CNBD1: variants seen among roughly 807,000 people sequenced by gnomAD.
The protein encoded by CNBD1 is cyclic nucleotide-binding domain-containing protein 1.
A neutral mutation model predicts 54.4 loss-of-function variants in CNBD1; 71 were observed. The ratio of observed to expected loss-of-function variants is 1.30; its 90% CI spans 1.08 to 1.59. The LOEUF is 1.59. Among genes scored for constraint, CNBD1 ranks in the 40% most tolerant of loss-of-function variants. CNBD1 has a pLI of 0.00. For missense variants in CNBD1, 659 were observed against 518.0 expected, an observed-to-expected ratio of 1.27 and a Z score of -2.64; for synonymous variants, 182 against 170.7, an observed-to-expected ratio of 1.07 and a Z score of -0.51.
intron 6 of CNBD1, among the ~76,000 whole-genome samples, chr8:87,270,951 T>C (rs1808350207): frequency 6.6e-6 from 1 of 151,834 alleles, no homozygotes; most frequent in Non-Finnish European, 1.5e-5. Context: ...ATTTTGTTAC[T>C]CATTATTTGT....
chr8:86,995,592 C>T (rs1808853072), intron 4 of CNBD1, among the ~76,000 whole-genome samples: 1 of 151,882 alleles, frequency 6.6e-6, no homozygotes, highest in Non-Finnish European at 1.5e-5. Flanking sequence ...GGATTATATA[C>T]CAGATAGAGC....
At chr8:87,406,710 C>T (rs530232811) in intron 2 of CNBD1, among the ~76,000 whole-genome samples, 2 of 151,982 alleles carry the variant, frequency 1.3e-5, no homozygotes, top group Non-Finnish European at 2.9e-5. Context: ...AAACTGCTGA[C>T]CTTGTGATCT....
intron 4 of CNBD1, among the ~76,000 whole-genome samples, chr8:87,156,534 G>A (rs1247610095): frequency 4.6e-5 from 7 of 151,710 alleles, no homozygotes; most frequent in Non-Finnish European, 8.8e-5. Context: ...GTGAGCCACC[G>A]CACCTGGCCT....
chr8:87,254,381 T>C (rs1417991797), intron 6 of CNBD1, among the ~76,000 whole-genome samples: 3 of 152,208 alleles, frequency 2.0e-5, no homozygotes, highest in Non-Finnish European at 4.4e-5. Context: ...TCAAAGCATT[T>C]CTGTTTAATA....
intron 2 of CNBD1, among the ~76,000 whole-genome samples, chr8:87,394,116 G>A (rs1263032615): frequency 6.6e-6 from 1 of 151,834 alleles, no homozygotes; most frequent in Non-Finnish European, 1.5e-5. Flanking sequence ...GCCATTTGTT[G>A]ATAGGGCGTA....
chr8:86,962,909 C>T (rs901684598), intron 4 of CNBD1, among the ~76,000 whole-genome samples: 1 of 152,112 alleles, frequency 6.6e-6, no homozygotes, highest in Non-Finnish European at 1.5e-5. Flanking sequence ...AGTGCTTTGA[C>T]CCTGGAGTCC....
intron 4 of CNBD1, among the ~76,000 whole-genome samples, chr8:87,059,496 A>C (rs1216205463): frequency 6.6e-6 from 1 of 152,186 alleles, no homozygotes; most frequent in Non-Finnish European, 1.5e-5. Context: ...AACTTGACTC[A>C]CAGTTCTGCA....
intron 6 of CNBD1, among the ~76,000 whole-genome samples, chr8:87,279,627 T>G (rs1808553844): frequency 6.6e-6 from 1 of 151,348 alleles, no homozygotes. Context: ...AATAAAGATA[T>G]TTCATAATGA....
At chr8:86,947,654 T>C (rs1021959891) in intron 4 of CNBD1, among the ~76,000 whole-genome samples, 5 of 152,134 alleles carry the variant, frequency 3.3e-5, no homozygotes, top group African/African-American at 9.7e-5. Flanking sequence ...AGTAGATGTA[T>C]ATATTTATGG....
At chr8:87,313,189 C>A (rs187977216) in intron 8 of CNBD1, among the ~76,000 whole-genome samples, 2 of 151,964 alleles carry the variant, frequency 1.3e-5, no homozygotes, top group Non-Finnish European at 2.9e-5. Context: ...ATGCTTTTTG[C>A]ACATACTACG....
intron 10 of CNBD1, among the ~76,000 whole-genome samples, chr8:87,368,623 C>G (rs958139089): frequency 6.6e-6 from 1 of 151,660 alleles, no homozygotes; most frequent in Non-Finnish European, 1.5e-5. Context: ...GGTGACAGAA[C>G]AAAAACCTAT....
intron 4 of CNBD1, among the ~76,000 whole-genome samples, chr8:87,014,220 C>G (rs1809304526): frequency 6.7e-6 from 1 of 150,106 alleles, no homozygotes; most frequent in Admixed American, 6.6e-5. Context: ...ACTAAATAAA[C>G]CAGCATTAAA....
rs144074765 is a variant in CNBD1, at chr8:87,291,593, G to A, written c.1042+4922G>A. ...ATGGGCCTTGGGTCAGATTTGGTCCGCGGTCTAAAGTTTTCCAACTCCTGT... is the reference window on the plus strand; with the variant it reads ...ATGGGCCTTGGGTCAGATTTGGTCCACGGTCTAAAGTTTTCCAACTCCTGT... On this transcript the variant is annotated intron_variant, in intron 8 of 10. Coordinates refer to ENST00000518476, the MANE Select transcript of CNBD1 (RefSeq NM_173538.3). Among the ~76,000 whole-genome samples the A allele has an allele frequency of 2.5e-3, 378 of 151,990 alleles. 2 individuals carry two copies. Among genetic ancestry groups the A allele is most frequent in the African/African-American group, 7.7e-3 (321 of 41,472 alleles).
intron 4 of CNBD1, among the ~76,000 whole-genome samples, chr8:86,958,473 G>A (rs766154985): frequency 6.6e-6 from 1 of 152,160 alleles, no homozygotes; most frequent in African/African-American, 2.4e-5. Context: ...AAGTCTCTTT[G>A]TTGGTCTCTA....
intron 2 of CNBD1, among the ~76,000 whole-genome samples, chr8:86,894,487 A>ATATGTTGCAATT (rs1348913288): frequency 1.3e-5 from 2 of 152,134 alleles, no homozygotes; most frequent in Non-Finnish European, 2.9e-5. Context: ...AGCATGGTAT[A>ATATGTTGCAATT]TATGTTGCAA....
chr8:87,327,816 T>A (rs1037983435), intron 8 of CNBD1, among the ~76,000 whole-genome samples: 1 of 152,206 alleles, frequency 6.6e-6, no homozygotes. Flanking sequence ...TTCGGCCATC[T>A]TGGCTCCTCC....
At chr8:87,225,351 G>T (rs573878309) in intron 5 of CNBD1, among the ~76,000 whole-genome samples, 16 of 151,734 alleles carry the variant, frequency 1.1e-4, no homozygotes, top group Admixed American at 1.1e-3. Flanking sequence ...TCCAGTTTTT[G>T]CCCATTCAGT....
At chr8:87,176,703 C>T (rs1813206557) in intron 4 of CNBD1, among the ~76,000 whole-genome samples, 1 of 149,950 alleles carries the variant, frequency 6.7e-6, no homozygotes, top group African/African-American at 2.5e-5. Flanking sequence ...GTTGGCCAGG[C>T]TGCTCAAACT....
intron 4 of CNBD1, among the ~76,000 whole-genome samples, chr8:86,951,338 C>G (rs1026179338): frequency 1.3e-5 from 2 of 151,684 alleles, no homozygotes; most frequent in Admixed American, 6.6e-5. Flanking sequence ...CTTGTAATCC[C>G]AGCACTTTGG....
Sources: allele counts gnomAD v4.1 joint callset (sites outside exome capture counted in the v4.1 genomes callset), GRCh38; gene constraint gnomAD v4.1.1; transcripts MANE v1.5; gene names NCBI Gene and HGNC (gene_info 2026-07-23, HGNC 2026-07-21).